The following MTUS1 variants were observed in gnomAD, a reference collection of about 807,000 sequenced individuals.
MTUS1 encodes the protein microtubule-associated tumor suppressor 1.
MTUS1 carries 109 observed loss-of-function variants against 120.8 expected under a neutral mutation model. The observed-to-expected ratio is 0.90, with a 90% CI of 0.77 to 1.06. The LOEUF is 1.06. Ranked by LOEUF, MTUS1 falls within the 50% of genes least tolerant of loss-of-function variation. The pLI, the probability that MTUS1 is intolerant of heterozygous loss-of-function variation, is 0.00. For missense variants in MTUS1, 2,210 were observed against 1,486.3 expected (o/e 1.49, Z -8.01); for synonymous variants, 737 against 550.5 (o/e 1.34, Z -4.74).
At chr8:17,670,029 G>C (rs1192860588) in intron 8 of MTUS1, among the ~76,000 whole-genome samples, 1 of 152,198 alleles carries the variant, frequency 6.6e-6, no homozygotes, top group Non-Finnish European at 1.5e-5. Context: ...AGAATGCTGA[G>C]CAGGGATGGA....
chr8:17,743,252 AC>A (rs2047472394), intron 3 of MTUS1, among the ~76,000 whole-genome samples: 1 of 152,204 alleles, frequency 6.6e-6, no homozygotes, highest in Admixed American at 6.5e-5. Flanking sequence ...TTGAGGGCAC[AC>A]TAGGGACCTA....
chr8:17,713,397 CA>C, intron 5 of MTUS1, 145 bp from the exon 6 acceptor site: 1 of 583,186 alleles, frequency 1.7e-6, no homozygotes, highest in Non-Finnish European at 3.1e-6. Flanking sequence ...GAGATTCAAC[CA>C]ACTTTTGTCA....
intron 1 of MTUS1, among the ~76,000 whole-genome samples, chr8:17,771,963 C>A (rs1042390186): frequency 5.9e-5 from 9 of 152,140 alleles, no homozygotes; most frequent in Non-Finnish European, 1.0e-4. Flanking sequence ...CTTCACTGGT[C>A]CATTTACATT....
At chr8:17,771,613 T>C (rs918329282) in intron 1 of MTUS1, among the ~76,000 whole-genome samples, 17 of 152,220 alleles carry the variant, frequency 1.1e-4, no homozygotes, top group African/African-American at 4.1e-4. Flanking sequence ...CAACAGATTG[T>C]CTGAATCAGA....
intron 2 of MTUS1, among the ~76,000 whole-genome samples, 192 bp from the exon 3 acceptor site, chr8:17,743,991 G>A (rs569574820): frequency 6.6e-6 from 1 of 152,294 alleles, no homozygotes; most frequent in East Asian, 1.9e-4. Context: ...CAACTGACCA[G>A]AATTAACATT....
At chr8:17,675,548 C>G (rs1489557613) in intron 7 of MTUS1, among the ~76,000 whole-genome samples, 1 of 152,188 alleles carries the variant, frequency 6.6e-6, no homozygotes, top group African/African-American at 2.4e-5. Context: ...TCCATAGAAC[C>G]TTTCGGCTAA....
intron 4 of MTUS1, among the ~76,000 whole-genome samples, chr8:17,719,028 G>T (rs894240004): frequency 5.9e-5 from 9 of 152,054 alleles, no homozygotes; most frequent in African/African-American, 2.2e-4. Context: ...ATATTAGCTG[G>T]ACGTGGTGGT....
chr8:17,765,027 T>C (rs1204567680), intron 1 of MTUS1, among the ~76,000 whole-genome samples: 5 of 152,184 alleles, frequency 3.3e-5, no homozygotes, highest in Non-Finnish European at 7.4e-5. Context: ...TTCCTGTAAG[T>C]AGACAGTCCC....
At chr8:17,693,020 C>T (rs373495576) in intron 6 of MTUS1, among the ~76,000 whole-genome samples, 1 of 152,170 alleles carries the variant, frequency 6.6e-6, no homozygotes, top group African/African-American at 2.4e-5. Flanking sequence ...ACTGAATTGC[C>T]TTCACTGGAG....
chr8:17,762,607 T>C (rs2049130570), intron 1 of MTUS1, among the ~76,000 whole-genome samples: 1 of 152,218 alleles, frequency 6.6e-6, no homozygotes, highest in Admixed American at 6.5e-5. Context: ...TGAAGTTGCT[T>C]AAATCAACAG....
chr8:17,773,435 C>T (rs755097230), intron 1 of MTUS1, among the ~76,000 whole-genome samples: 17 of 152,138 alleles, frequency 1.1e-4, no homozygotes, highest in Non-Finnish European at 2.2e-4. Flanking sequence ...GGGTAAGATA[C>T]CTCACTTTGA....
chr8:17,653,426 T>C lies in MTUS1; in HGVS notation c.3287A>G (p.Glu1096Gly). 1 of 1,608,060 alleles carries C rather than the reference T, an allele frequency of 6.2e-7. No individual in the cohort carries two copies. The highest frequency in any genetic ancestry group is 8.5e-7 in the Non-Finnish European group (1 of 1,176,510). ...DLLSEKQESL[E>G]KQINDLKSEN... ...ACTGGGATATTGACATTCACCCACCTCTAGCGATTCCTGCTTCTCAGAAAG... is the reference window on the plus strand; with the variant it reads ...ACTGGGATATTGACATTCACCCACCCCTAGCGATTCCTGCTTCTCAGAAAG... Residue 1096 changes from glutamate (E) to glycine (G), a missense_variant and splice_region_variant, in exon 11 of 15, where the codon GAG becomes GGG. Glu to Gly is a moderately conservative substitution (Grantham distance 98). Transcript: ENST00000693296.
At chr8:17,757,889 T>G (rs1215722283) in intron 1 of MTUS1, among the ~76,000 whole-genome samples, 2 of 152,074 alleles carry the variant, frequency 1.3e-5, no homozygotes, top group Non-Finnish European at 2.9e-5. Flanking sequence ...CAAAGAAAGG[T>G]CCAAATGTTC....
At chr8:17,764,566 C>T (rs115268086) in intron 1 of MTUS1, among the ~76,000 whole-genome samples, 4 of 152,276 alleles carry the variant, frequency 2.6e-5, no homozygotes, top group East Asian at 1.9e-4. Context: ...CGTCTTCACA[C>T]GTTAATCTAG....
chr8:17,724,673 G>A (rs537580904), intron 3 of MTUS1, among the ~76,000 whole-genome samples: 45 of 152,252 alleles, frequency 3.0e-4, no homozygotes, highest in African/African-American at 8.4e-4. Flanking sequence ...TGATGCTCAC[G>A]AACCTGCTAC....
chr8:17,769,244 T>A (rs2049820078), intron 1 of MTUS1, among the ~76,000 whole-genome samples: 1 of 151,356 alleles, frequency 6.6e-6, no homozygotes, highest in Non-Finnish European at 1.5e-5. Context: ...TTTTTTTTTT[T>A]TTTTTTGGCT....
intron 8 of MTUS1, 42 bp from the exon 9 acceptor site, chr8:17,656,107 T>A (rs375318203): frequency 1.3e-6 from 2 of 1,561,092 alleles, no homozygotes; most frequent in Non-Finnish European, 1.8e-6. Flanking sequence ...GTCATTTTAT[T>A]TGTGAAATGT....
chr8:17,756,679 C>CCCACCA lies in MTUS1; in HGVS notation c.-154-719_-154-718insTGGTGG, dbSNP rs58787907. 3.0e-4 allele frequency among the ~76,000 whole-genome samples: 37 copies of CCCACCA among 123,522 alleles called. 2 individuals are homozygous for CCCACCA. The highest frequency in any genetic ancestry group is 2.0e-3 in the South Asian group (6 of 2,952). 81.0% of individuals were successfully genotyped at this position (123,522 alleles called of 152,430 possible). A position where few individuals can be genotyped will look rare whatever the true frequency, so the allele number is the denominator to read the frequency against. ...TCATATGTCAAGCCCAAACCCCCAC[C>CCCACCA]CCTTATGTAACTATGTTGGAGACAG... On this transcript the variant is annotated intron_variant, in intron 1 of 14. Transcript: ENST00000693296.
intron 13 of MTUS1, among the ~76,000 whole-genome samples, chr8:17,647,979 C>CCGAA (rs1806190487): frequency 6.6e-6 from 1 of 152,148 alleles, no homozygotes. Context: ...CTCAGGACAA[C>CCGAA]CTGTTCAGGT....
Sources: gnomAD v4.1 joint callset for allele counts (sites outside exome capture counted in the v4.1 genomes callset) on GRCh38, gnomAD v4.1.1 for gene constraint, MANE v1.5 for transcripts, NCBI Gene and HGNC (gene_info 2026-07-23, HGNC 2026-07-21) for gene names.